Variants in ESPN observed in about 807,000 individuals in gnomAD.
ESPN encodes the protein autosomal recessive deafness type 36 protein.
ESPN carries 68 observed loss-of-function variants against 77.7 expected under a neutral mutation model. The observed-to-expected ratio is 0.87, with a 90% confidence interval of 0.72 to 1.07. The LOEUF (loss-of-function observed/expected upper bound fraction) is 1.07, where lower values mean the gene tolerates loss of function less well. Among genes scored for constraint, ESPN ranks in the 50% least tolerant of loss-of-function variants. ESPN has a pLI of 0.00. For synonymous variants in ESPN, 449 were observed against 567.1 expected (o/e 0.79, Z 2.96); for missense variants, 1,060 against 1,239.0 (o/e 0.86, Z 2.17).
At position 6,427,500 on chromosome 1, in the gene ESPN, C is replaced by T. The variant is rs1335402926; in HGVS notation, c.295-726C>T. Among the ~76,000 whole-genome samples the T allele has an allele frequency of 1.3e-5, 2 of 152,158 alleles. No individual in the cohort carries two copies. The highest frequency in any genetic ancestry group is 6.5e-5 in the Admixed American group (1 of 15,270). On this transcript the variant is annotated intron_variant, in intron 1 of 12. Coordinates refer to ENST00000645284, the MANE Select transcript of ESPN (RefSeq NM_031475.3). The surrounding 1 kb of genome is among the most constrained non-coding windows in gnomAD (Gnocchi z 4.6). The stretch of plus-strand genomic sequence containing the variant: ...GTCCCCGGGGGGAGTTTTGTCCAAG[C>T]CCTCCCAGAGGCCACCACTAGCCTG...
intron 3 of ESPN, 24 bp from the exon 4 acceptor site, chr1:6,440,602 C>CCCCAAA: frequency 4.0e-6 from 5 of 1,256,474 alleles, no homozygotes; most frequent in Non-Finnish European, 5.5e-6. Flanking sequence ...CCCCCGCCCC[C>CCCCAAA]CTCTCCCCGC....
Position 6,445,714 on chromosome 1 carries a change from A to C in ESPN, c.1243A>C (p.Asn415His), listed in dbSNP as rs2148527322. 3 of 1,612,160 alleles carry C rather than the reference A, an allele frequency of 1.9e-6. No individual in the cohort carries two copies. In the East Asian group the frequency reaches 6.7e-5, roughly 36 times the overall value. The change falls in exon 7 of 13, where the codon AAC becomes CAC. Residue 415 changes from asparagine (N) to histidine (H), a missense_variant. Physicochemically the swap from Asn to His is moderately conservative, Grantham distance 68. This residue lies in a region of ESPN where 556 missense variants were observed against 633.6 expected (regional missense o/e 0.88). Transcript: ENST00000645284. ...ADIQSYMDMLNPELGLPRGTI... is the reference protein window; with the variant it reads ...ADIQSYMDMLHPELGLPRGTI... ...CATACAGAGCTACATGGACATGCTG[A>C]ACCCGGAGCTGGGCCTGCCTCGGGG...
In ESPN at chr1:6,455,474, G is replaced by T. The variant is rs1337668114; in HGVS notation, c.2326-1710G>T. ...ACAGCCCCGACGAACGGCTGCGGCAGCTGCTGAGGCAGCGGCAGGCGGTGG... is the reference window on the plus strand; with the variant it reads ...ACAGCCCCGACGAACGGCTGCGGCATCTGCTGAGGCAGCGGCAGGCGGTGG... On this transcript the variant is annotated intron_variant, in intron 10 of 12. Coordinates refer to ENST00000645284, the MANE Select transcript of ESPN (RefSeq NM_031475.3). 3.0e-5 allele frequency: 12 copies of T among 397,248 alleles called. No homozygotes were observed. In the East Asian group the frequency reaches 3.6e-4, roughly 12 times the overall value. 24.6% of individuals were successfully genotyped at this position (397,248 alleles called of 1,614,324 possible).
chr1:6,444,195 G>A (rs1643743993), intron 5 of ESPN, among the ~76,000 whole-genome samples: 1 of 152,206 alleles, frequency 6.6e-6, no homozygotes, highest in Non-Finnish European at 1.5e-5. Flanking sequence ...CCCTTGGGGT[G>A]CAGCTCAAGG....
In ESPN at chr1:6,428,260, T is replaced by G; in HGVS notation, c.329T>G (p.Leu110Arg). ...KDNSGATVLHLAARFGHPEVV... is the reference protein window; with the variant it reads ...KDNSGATVLHRAARFGHPEVV... ...AATTCTGGTGCCACAGTCTTGCATC[T>G]GGCTGCCCGCTTCGGCCACCCCGAG... The change falls in exon 2 of 13, where the codon CTG (leucine) becomes CGG (arginine). Residue 110 changes from leucine to arginine, a missense_variant. Around this residue, in one of 3 missense-constraint regions of ESPN, gnomAD observed 556 missense variants for 633.6 expected, o/e 0.88. Transcript: ENST00000645284. The surrounding 1 kb of genome is among the most constrained non-coding windows in gnomAD (Gnocchi z 5.4). The G allele has an allele frequency of 6.2e-7, 1 of 1,613,580 alleles. No individual in the cohort carries two copies. Among genetic ancestry groups the G allele is most frequent in the Non-Finnish European group, 8.5e-7 (1 of 1,179,994 alleles).
intron 2 of ESPN, among the ~76,000 whole-genome samples, chr1:6,432,686 T>C (rs1643293682): frequency 6.6e-6 from 1 of 152,236 alleles, no homozygotes; most frequent in Non-Finnish European, 1.5e-5. Context: ...ACGTGGGGGC[T>C]ACCTGAACCC....
At chr1:6,459,572 TCTC>T (rs1644118847) in intron 12 of ESPN, among the ~76,000 whole-genome samples, 1 of 152,024 alleles carries the variant, frequency 6.6e-6, no homozygotes, top group African/African-American at 2.4e-5. Flanking sequence ...TGTCTCTAAT[TCTC>T]AGTCCCTCTC....
chr1:6,439,770 G>A (rs575878261), intron 2 of ESPN, among the ~76,000 whole-genome samples: 1 of 152,202 alleles, frequency 6.6e-6, no homozygotes, highest in Non-Finnish European at 1.5e-5. Flanking sequence ...AGCACTTTGG[G>A]AGGCTGAGAT....
intron 2 of ESPN, among the ~76,000 whole-genome samples, chr1:6,438,187 GA>G (rs1406849186): frequency 6.6e-6 from 1 of 152,208 alleles, no homozygotes; most frequent in African/African-American, 2.4e-5. Context: ...TCTGGGGATA[GA>G]TTGTGGCTCC....
chr1:6,454,632 G>A (rs1267116244), intron 10 of ESPN: 3 of 398,826 alleles, frequency 7.5e-6, no homozygotes, highest in Non-Finnish European at 1.3e-5. Flanking sequence ...GCTGGAGCTG[G>A]AGCAGCTGCT....
intron 5 of ESPN, among the ~76,000 whole-genome samples, chr1:6,444,151 C>T (rs538003116): frequency 8.2e-4 from 125 of 152,326 alleles, no homozygotes; most frequent in Middle Eastern, 3.4e-3. Context: ...TCTGCCGATC[C>T]GTGAGGGAGA....
rs36064159 is a variant in ESPN, at chr1:6,452,271, C to A, written c.2325+175C>A. Among the ~76,000 whole-genome samples the A allele has an allele frequency of 5.4e-3, 815 of 151,786 alleles. 2 individuals carry two copies. The highest frequency in any genetic ancestry group is 0.027 in the Middle Eastern group (8 of 294). On this transcript the variant is annotated intron_variant, in intron 10 of 12. Coordinates refer to ENST00000645284, the MANE Select transcript of ESPN (RefSeq NM_031475.3). ...CCAGGCTGGAGTGCAGTGGTGCGAT[C>A]TCGACTCACTGCAACCTTCGCCTCC...
In ESPN at chr1:6,460,591, T is replaced by C; in HGVS notation, c.*445T>C. On this transcript the variant is annotated 3_prime_UTR_variant, in exon 13 of 13. Transcript: ENST00000645284. Reference sequence around the variant, plus strand: ...GCAGGCCCCGAGCTCGGGGAAGGGGTTTTCCCTTCCTCTCTGACCCAGATC... The same window carrying C: ...GCAGGCCCCGAGCTCGGGGAAGGGGCTTTCCCTTCCTCTCTGACCCAGATC... 6.0e-6 allele frequency: 1 copy of C among 167,412 alleles called. No individual in the cohort carries two copies. Among genetic ancestry groups the C allele is most frequent in the East Asian group, 1.7e-4 (1 of 5,786 alleles). The allele number at this position is 167,412 out of a possible 1,614,324, so 10.4% of individuals were successfully genotyped here.
At chr1:6,430,266 G>A (rs1054106866) in intron 2 of ESPN, among the ~76,000 whole-genome samples, 5 of 152,194 alleles carry the variant, frequency 3.3e-5, no homozygotes, top group African/African-American at 1.2e-4. Flanking sequence ...TCTCGCTGGC[G>A]CGTGGGTGAG....
At chr1:6,440,159 C>A in intron 2 of ESPN, 95 bp from the exon 3 acceptor site, 1 of 1,338,800 alleles carries the variant, frequency 7.5e-7, no homozygotes, top group Non-Finnish European at 1.0e-6. Flanking sequence ...CTCTCCCTGC[C>A]GTCCAGGGCT....
rs1324805428 is a variant in ESPN, at chr1:6,440,511, G to C, written c.675+71G>C. 12 of 1,201,982 alleles carry C rather than the reference G, an allele frequency of 1.0e-5. No individual in the cohort carries two copies. The East Asian group carries it at 3.6e-4, about 36-fold the overall frequency. 74.5% of individuals were successfully genotyped at this position (1,201,982 alleles called of 1,614,324 possible). On this transcript the variant is annotated intron_variant, in intron 3 of 12. Coordinates refer to ENST00000645284, the MANE Select transcript of ESPN (RefSeq NM_031475.3). ...CGGCAGGGCGGGGAGTGGAGGGAGC[G>C]GGGCCATCAGGGGTGGGGCGGGGGG...
Position 6,456,152 on chromosome 1 carries a change from C to T in ESPN, c.2326-1032C>T, listed in dbSNP as rs527484517. On this transcript the variant is annotated intron_variant, in intron 10 of 12. Transcript: ENST00000645284. The stretch of plus-strand genomic sequence containing the variant: ...ACATCTGCCGCTACATCGACCGCAG[C>T]TTCTCCTTCTGGAAAGAGAAGGAGG... 4.3e-5 allele frequency: 17 copies of T among 399,582 alleles called. No homozygotes were observed. The South Asian group carries it at 1.4e-3, about 33-fold the overall frequency. The allele number at this position is 399,582 out of a possible 1,614,324, so 24.8% of individuals were successfully genotyped here. A position where few individuals can be genotyped will look rare whatever the true frequency, so the allele number is the denominator to read the frequency against.
chr1:6,433,261 G>A (rs1006679095), intron 2 of ESPN, among the ~76,000 whole-genome samples: 24 of 152,144 alleles, frequency 1.6e-4, no homozygotes, highest in African/African-American at 7.2e-5. Flanking sequence ...CGGCCGATAC[G>A]GTGAAACCCC....
At chr1:6,454,550 C>T (rs1169278143) in intron 10 of ESPN, 1 of 399,014 alleles carries the variant, frequency 2.5e-6, no homozygotes, top group East Asian at 3.6e-5. Flanking sequence ...TCCTCCGCAT[C>T]GAGCAGCAAA....
Sources: gnomAD v4.1 joint callset for allele counts (sites outside exome capture counted in the v4.1 genomes callset) on GRCh38, gnomAD v4.1.1 for gene constraint, gnomAD v4.1.1 regional missense constraint, Gnocchi (gnomAD v3.1) non-coding constraint, MANE v1.5 for transcripts, NCBI Gene and HGNC (gene_info 2026-07-23, HGNC 2026-07-21) for gene names.